Variants in ROBO2 observed in about 807,000 individuals in gnomAD.
The protein encoded by ROBO2 is roundabout homolog 2.
ROBO2 carries 53 observed loss-of-function variants against 160.8 expected under a neutral mutation model. That is an observed-to-expected ratio of 0.33 (90% CI 0.26 to 0.41). The LOEUF is 0.41. Among genes scored for constraint, ROBO2 ranks in the 10% least tolerant of loss-of-function variants. ROBO2 has a pLI of 1.00. For synonymous variants in ROBO2, 664 were observed against 611.7 expected, an observed-to-expected ratio of 1.09 and a Z score of -1.26; for missense variants, 1,577 against 1,722.4, an observed-to-expected ratio of 0.92 and a Z score of 1.49.
At chr3:76,956,823 G>T (rs2079307604) in intron 2 of ROBO2, among the ~76,000 whole-genome samples, 1 of 151,990 alleles carries the variant, frequency 6.6e-6, no homozygotes, top group Non-Finnish European at 1.5e-5. Context: ...ATCCCCAGAG[G>T]AACACCAACA....
At chr3:76,627,160 A>C (rs1162575386) in intron 2 of ROBO2, among the ~76,000 whole-genome samples, 1 of 152,194 alleles carries the variant, frequency 6.6e-6, no homozygotes, top group African/African-American at 2.4e-5. Context: ...AGATAAGCAC[A>C]GTTTGGTTGT....
intron 1 of ROBO2, among the ~76,000 whole-genome samples, chr3:75,911,201 T>C (rs922719804): frequency 1.3e-5 from 2 of 152,108 alleles, no homozygotes; most frequent in African/African-American, 4.8e-5. Context: ...AGTGAAAAAA[T>C]TACAGCTTCT....
At chr3:77,435,152 A>G (rs2079152922) in intron 2 of ROBO2, among the ~76,000 whole-genome samples, 1 of 152,026 alleles carries the variant, frequency 6.6e-6, no homozygotes, top group Non-Finnish European at 1.5e-5. Flanking sequence ...AACATTTTTT[A>G]TTAATAAAAT....
At chr3:76,513,574 T>A (rs894357380) in intron 2 of ROBO2, among the ~76,000 whole-genome samples, 4 of 152,186 alleles carry the variant, frequency 2.6e-5, no homozygotes, top group Non-Finnish European at 5.9e-5. Context: ...TTGGCTATTA[T>A]GAGTATTTAA....
At position 76,036,159 on chromosome 3, in the gene ROBO2, T is replaced by A. The variant is rs188221142; in HGVS notation, c.109+98557T>A. 1.7e-3 allele frequency among the ~76,000 whole-genome samples: 256 copies of A among 150,202 alleles called. 6 individuals are homozygous for A. Among genetic ancestry groups the A allele is most frequent in the African/African-American group, 6.0e-3 (245 of 41,132 alleles). Reference sequence around the variant, plus strand: ...GGAGGTTAGAAAGAAATTGGCTCACTTTTTTTTTGAGACCTGGTCTCACTC... The same window carrying A: ...GGAGGTTAGAAAGAAATTGGCTCACATTTTTTTTGAGACCTGGTCTCACTC... On this transcript the variant is annotated intron_variant, in intron 2 of 26. Coordinates refer to the ROBO2 transcript ENST00000487694.
chr3:77,289,433 C>T (rs1246354624), intron 2 of ROBO2, among the ~76,000 whole-genome samples: 4 of 136,292 alleles, frequency 2.9e-5, no homozygotes, highest in African/African-American at 1.1e-4. Context: ...TAGATCACCC[C>T]AGAAATTAAG....
intron 2 of ROBO2, among the ~76,000 whole-genome samples, chr3:76,997,510 A>G (rs2149401451): frequency 6.6e-6 from 1 of 152,288 alleles, no homozygotes; most frequent in South Asian, 2.1e-4. Context: ...GAGTTCCCTA[A>G]TATCTTCGAA....
intron 2 of ROBO2, among the ~76,000 whole-genome samples, chr3:77,173,006 T>C (rs1216972205): frequency 6.6e-6 from 1 of 152,148 alleles, no homozygotes; most frequent in Non-Finnish European, 1.5e-5. Flanking sequence ...GAAGAATGTT[T>C]GCATTCGATG....
intron 2 of ROBO2, among the ~76,000 whole-genome samples, chr3:77,241,594 G>T (rs143417125): frequency 2.6e-5 from 4 of 152,232 alleles, no homozygotes; most frequent in Non-Finnish European, 5.9e-5. Flanking sequence ...AAAACAACAT[G>T]CACTATCCAT....
chr3:77,292,328 G>A (rs7430796), intron 2 of ROBO2, among the ~76,000 whole-genome samples: 53,261 of 119,792 alleles, frequency 0.44, 10,066 homozygotes, highest in Middle Eastern at 0.6. Flanking sequence ...AGTTGAGGCT[G>A]GAACAGTAAA....
At chr3:76,057,555 A>G (rs1040956606) in intron 2 of ROBO2, among the ~76,000 whole-genome samples, 1 of 152,314 alleles carries the variant, frequency 6.6e-6, no homozygotes, top group African/African-American at 2.4e-5. Context: ...TATCCCCAAC[A>G]TAGTAAGCTT....
intron 1 of ROBO2, among the ~76,000 whole-genome samples, chr3:75,911,445 A>C (rs182826117): frequency 1.2e-4 from 19 of 152,122 alleles, no homozygotes; most frequent in Non-Finnish European, 1.5e-5. Context: ...GAACAGTGCC[A>C]GGTCCAATTA....
At chr3:76,198,043 C>A (rs1035852818) in intron 2 of ROBO2, among the ~76,000 whole-genome samples, 2 of 152,200 alleles carry the variant, frequency 1.3e-5, no homozygotes, top group Non-Finnish European at 2.9e-5. Flanking sequence ...AGCACCCCAA[C>A]CGACTAAACG....
chr3:76,830,869 G>A (rs2109313282), intron 2 of ROBO2, among the ~76,000 whole-genome samples: 1 of 151,190 alleles, frequency 6.6e-6, no homozygotes, highest in South Asian at 2.1e-4. Context: ...TGTGCCTACA[G>A]TCCCAGCAAT....
At chr3:77,520,222 A>C (rs975832412) in intron 5 of ROBO2, among the ~76,000 whole-genome samples, 3 of 151,360 alleles carry the variant, frequency 2.0e-5, no homozygotes, top group Non-Finnish European at 4.4e-5. Flanking sequence ...TACTGTTTTA[A>C]GTTAGCATTT....
chr3:76,303,746 A>G lies in ROBO2; in HGVS notation c.109+366144A>G, dbSNP rs191149020. 6.6e-5 allele frequency among the ~76,000 whole-genome samples: 10 copies of G among 152,362 alleles called. 1 individual carries two copies. The East Asian group carries it at 1.9e-3, about 29-fold the overall frequency. On this transcript the variant is annotated intron_variant, in intron 2 of 26. Coordinates refer to the ROBO2 transcript ENST00000487694. ...CTGCTTAATTTTTTAATGGAAAGGA[A>G]ACATTAGCAAAATGCAGTGTAATAT...
intron 20 of ROBO2, chr3:77,603,111 C>A (rs1259541189): frequency 2.2e-6 from 1 of 456,012 alleles, no homozygotes; most frequent in South Asian, 1.6e-5. Context: ...CAGCGTATGA[C>A]CTGTGTTCCT....
chr3:76,979,247 G>A (rs578201642), intron 2 of ROBO2, among the ~76,000 whole-genome samples: 1 of 152,182 alleles, frequency 6.6e-6, no homozygotes, highest in African/African-American at 2.4e-5. Context: ...TTTGGCCCAA[G>A]TGTAGTTTTT....
chr3:77,508,648 C>T (rs887115449), intron 5 of ROBO2, among the ~76,000 whole-genome samples: 3 of 151,524 alleles, frequency 2.0e-5, no homozygotes, highest in South Asian at 2.1e-4. Flanking sequence ...ACAATAATGA[C>T]CACCATGTCA....
Sources: allele counts gnomAD v4.1 joint callset (sites outside exome capture counted in the v4.1 genomes callset), GRCh38; gene constraint gnomAD v4.1.1; transcripts MANE v1.5; gene names NCBI Gene and HGNC (gene_info 2026-07-23, HGNC 2026-07-21).